The following MED12L variants were observed in gnomAD, a reference collection of about 807,000 sequenced individuals.
MED12L encodes the protein mediator of RNA polymerase II transcription subunit 12-like protein.
A neutral mutation model predicts 281.3 loss-of-function variants in MED12L; 60 were observed. That is an observed-to-expected ratio of 0.21 (90% CI 0.17 to 0.26). The LOEUF (loss-of-function observed/expected upper bound fraction) is 0.26, where lower values mean the gene tolerates loss of function less well. Among genes scored for constraint, MED12L ranks in the 10% least tolerant of loss-of-function variants. MED12L has a pLI of 1.00. For missense variants in MED12L, 2,146 were observed against 2,680.9 expected (o/e 0.80, Z 4.41); for synonymous variants, 974 against 987.2 (o/e 0.99, Z 0.25).
chr3:151,141,677 T>G (rs1717055102), intron 5 of MED12L, among the ~76,000 whole-genome samples: 1 of 152,190 alleles, frequency 6.6e-6, no homozygotes, highest in African/African-American at 2.4e-5. Flanking sequence ...TTTTACTCTG[T>G]TTTTTGGATC....
intron 17 of MED12L, among the ~76,000 whole-genome samples, chr3:151,352,320 A>T (rs1753332807): frequency 6.6e-6 from 1 of 152,106 alleles, no homozygotes; most frequent in Non-Finnish European, 1.5e-5. Flanking sequence ...GGGATCCTCA[A>T]CCTTTTTCAG....
intron 16 of MED12L, chr3:151,199,298 A>G (rs778504761): frequency 6.2e-7 from 1 of 1,613,988 alleles, no homozygotes. Context: ...ACAACTTCCA[A>G]TAATTCCAAC....
At chr3:151,289,936 A>G (rs1410793267) in intron 16 of MED12L, among the ~76,000 whole-genome samples, 2 of 151,138 alleles carry the variant, frequency 1.3e-5, no homozygotes, top group East Asian at 1.9e-4. Context: ...GCTGGGGTGC[A>G]GTGGTGCGAT....
chr3:151,218,240 G>A (rs912872176), intron 16 of MED12L, among the ~76,000 whole-genome samples: 1 of 152,122 alleles, frequency 6.6e-6, no homozygotes, highest in Non-Finnish European at 1.5e-5. Context: ...TCCCTTCCCT[G>A]CCCACTTCTC....
intron 16 of MED12L, among the ~76,000 whole-genome samples, chr3:151,240,428 A>G (rs1577078292): frequency 6.6e-6 from 1 of 152,348 alleles, no homozygotes; most frequent in East Asian, 1.9e-4. Context: ...TTTTAATTGA[A>G]TAGCTGCTGC....
intron 23 of MED12L, among the ~76,000 whole-genome samples, chr3:151,366,460 G>C (rs1178406065): frequency 3.9e-5 from 6 of 152,180 alleles, no homozygotes; most frequent in Non-Finnish European, 7.3e-5. Context: ...AGATTCCGAG[G>C]ATGTCCGGTG....
rs778921097 is a variant in MED12L, at chr3:151,411,406, C to G, written c.6039C>G (p.Asn2013Lys). 5 of 1,614,194 alleles carry G rather than the reference C, an allele frequency of 3.1e-6. No homozygotes were observed. Among genetic ancestry groups the G allele is most frequent in the Non-Finnish European group, 4.2e-6 (5 of 1,180,046 alleles). ...NSRAYPAAHSNPVLMERLRQI... is the reference protein window; with the variant it reads ...NSRAYPAAHSKPVLMERLRQI... ...GAGCCTATCCGGCCGCACATTCCAA[C>G]CCCGTGCTAATGGAAAGACTCAGAC... The change falls in exon 41 of 45, where the codon AAC (asparagine) becomes AAG (lysine). Residue 2013 changes from asparagine (N) to lysine (K), a missense_variant. Physicochemically the swap from Asn to Lys is moderately conservative, Grantham distance 94. This residue lies in a region of MED12L where 496 missense variants were observed against 512.0 expected (regional missense o/e 0.97). Transcript: ENST00000687756.
At chr3:151,207,117 G>T (rs1051742861) in intron 16 of MED12L, among the ~76,000 whole-genome samples, 1 of 150,950 alleles carries the variant, frequency 6.6e-6, no homozygotes, top group Non-Finnish European at 1.5e-5. Flanking sequence ...TTATTCAGAG[G>T]TCTAATCATA....
rs76047269 is a variant in MED12L at position 151,250,225 on chromosome 3, A to G, written c.2250+56559A>G. Among the ~76,000 whole-genome samples the G allele has an allele frequency of 7.0e-3, 1,070 of 152,136 alleles. 3 individuals carry two copies. Among genetic ancestry groups the G allele is most frequent in the South Asian group, 0.02 (96 of 4,832 alleles). On this transcript the variant is annotated intron_variant, in intron 16 of 44. Coordinates refer to ENST00000687756, the MANE Select transcript of MED12L (RefSeq NM_001393769.1). ...TCCTCATTGCACATTCCTCAATCCA[A>G]TTGACATTTTGAAAGATTTTTTTTG...
At chr3:151,148,370 T>C (rs1325487641) in intron 5 of MED12L, among the ~76,000 whole-genome samples, 2 of 152,188 alleles carry the variant, frequency 1.3e-5, no homozygotes, top group Non-Finnish European at 2.9e-5. Context: ...AGAAAAATGG[T>C]GGAAAATCTT....
At chr3:151,099,193 G>A (rs566997579) in intron 2 of MED12L, among the ~76,000 whole-genome samples, 114 of 152,176 alleles carry the variant, frequency 7.5e-4, no homozygotes, top group Non-Finnish European at 1.4e-3. Context: ...TATGAGAAAC[G>A]TTATTTGGAT....
intron 16 of MED12L, chr3:151,327,972 T>C (rs757522402): frequency 2.7e-6 from 4 of 1,490,124 alleles, no homozygotes. Flanking sequence ...TAAATAGAAG[T>C]TAACCCTATG....
chr3:151,165,573 G>C, intron 10 of MED12L, 54 bp downstream of exon 10: 4 of 1,463,330 alleles, frequency 2.7e-6, no homozygotes, highest in Non-Finnish European at 2.9e-6. Flanking sequence ...TTTATGCTGT[G>C]TTTTTGCTTC....
chr3:151,197,153 T>C (rs1724773545), intron 16 of MED12L, among the ~76,000 whole-genome samples: 1 of 152,136 alleles, frequency 6.6e-6, no homozygotes, highest in South Asian at 2.1e-4. Flanking sequence ...TATACTTTAT[T>C]GTTATTTATT....
In MED12L at chr3:151,169,271, G is replaced by A. The variant is rs114826970; in HGVS notation, c.1494+3289G>A. 3.8e-3 allele frequency among the ~76,000 whole-genome samples: 572 copies of A among 151,502 alleles called. 3 individuals carry two copies. Among genetic ancestry groups the A allele is most frequent in the African/African-American group, 0.013 (534 of 41,290 alleles). On this transcript the variant is annotated intron_variant, in intron 11 of 44. Coordinates refer to ENST00000687756, the MANE Select transcript of MED12L (RefSeq NM_001393769.1). ...TAGCTGGAATTACAGGTGCCCTGCCGTCACGCCCGGTTAATATTTTTATAT... is the reference window on the plus strand; with the variant it reads ...TAGCTGGAATTACAGGTGCCCTGCCATCACGCCCGGTTAATATTTTTATAT...
At chr3:151,119,539 A>G (rs1173723398) in intron 3 of MED12L, among the ~76,000 whole-genome samples, 2 of 152,182 alleles carry the variant, frequency 1.3e-5, no homozygotes, top group African/African-American at 4.8e-5. Context: ...CTTATTTAAC[A>G]TTAATTACCT....
At chr3:151,181,351 G>A (rs1722669883) in intron 11 of MED12L, among the ~76,000 whole-genome samples, 1 of 151,666 alleles carries the variant, frequency 6.6e-6, no homozygotes, top group South Asian at 2.1e-4. Context: ...AAAATTGGTA[G>A]TTGTAATTTC....
Position 151,435,994 on chromosome 3 carries a change from A to G in MED12L, c.*3190A>G, listed in dbSNP as rs1254616329. The G allele has an allele frequency of 1.3e-5, 2 of 152,202 alleles. No individual in the cohort carries two copies. Among genetic ancestry groups the G allele is most frequent in the Admixed American group, 1.3e-4 (2 of 15,278 alleles). 9.4% of individuals were successfully genotyped at this position (152,202 alleles called of 1,614,324 possible). On this transcript the variant is annotated 3_prime_UTR_variant, in exon 45 of 45. Transcript: ENST00000687756. ...TAAAGTTATAAAGAAGTTTCATTGTATTTTTAAAACCTTTTTAATGGGTGT... is the reference window on the plus strand; with the variant it reads ...TAAAGTTATAAAGAAGTTTCATTGTGTTTTTAAAACCTTTTTAATGGGTGT...
intron 16 of MED12L, among the ~76,000 whole-genome samples, chr3:151,305,285 A>G (rs1287698120): frequency 6.6e-6 from 1 of 152,218 alleles, no homozygotes; most frequent in East Asian, 1.9e-4. Flanking sequence ...AAACCACACA[A>G]GAATGTGATG....
Sources: allele counts gnomAD v4.1 joint callset (sites outside exome capture counted in the v4.1 genomes callset), GRCh38; gene constraint gnomAD v4.1.1; regional missense constraint gnomAD v4.1.1; transcripts MANE v1.5; gene names NCBI Gene and HGNC (gene_info 2026-07-23, HGNC 2026-07-21).